Variants in ADORA2A observed in about 807,000 individuals in gnomAD.
The protein encoded by ADORA2A is adenosine receptor A2a.
In ADORA2A, 11 loss-of-function variants were observed where a neutral mutation model predicts 18.4. The ratio of observed to expected loss-of-function variants is 0.60; its 90% CI spans 0.38 to 0.99. ADORA2A has a LOEUF of 0.99. Among genes scored for constraint, ADORA2A ranks in the 50% least tolerant of loss-of-function variants. ADORA2A has a pLI of 0.01. For synonymous variants in ADORA2A, 218 were observed against 237.3 expected (o/e 0.92, Z 0.75); for missense variants, 449 against 556.1 (o/e 0.81, Z 1.94).
chr22:24,438,604 G>A (rs2043238901), intron 2 of ADORA2A: 1 of 152,206 alleles, frequency 6.6e-6, no homozygotes, highest in Non-Finnish European at 1.5e-5. Context: ...TGGAGCTGAG[G>A]AGCTCCTGAG....
chr22:24,439,609 C>T (rs1414147267), intron 2 of ADORA2A: 1 of 152,126 alleles, frequency 6.6e-6, no homozygotes, highest in East Asian at 1.9e-4. Context: ...TCAAGGTTGC[C>T]TTCCTAAATT....
chr22:24,438,462 G>A (rs1008385734), intron 2 of ADORA2A: 2 of 152,256 alleles, frequency 1.3e-5, no homozygotes, highest in African/African-American at 2.4e-5. Context: ...GAGAATGAGA[G>A]AGCCTGAGAT....
chr22:24,433,080 G>A, intron 1 of ADORA2A, 51 bp from the exon 2 acceptor site: 2 of 454,438 alleles, frequency 4.4e-6, no homozygotes, highest in Non-Finnish European at 8.1e-6. Flanking sequence ...ACTTTCCGCA[G>A]GGCTCGCCCT....
Position 24,440,246 on chromosome 22 carries a change from T to C in ADORA2A, c.333-337T>C, listed in dbSNP as rs7289199. On this transcript the variant is annotated intron_variant, in intron 2 of 2. Coordinates refer to ENST00000337539, the MANE Select transcript of ADORA2A (RefSeq NM_000675.6). ...CACGTTTCCCTTTAGAGAAAAATCATGTTTTCCCCCTCAAAAAATCATGCG... is the reference window on the plus strand; with the variant it reads ...CACGTTTCCCTTTAGAGAAAAATCACGTTTTCCCCCTCAAAAAATCATGCG... 2.6e-3 allele frequency among the ~76,000 whole-genome samples: 390 copies of C among 152,346 alleles called. 4 individuals carry two copies. Among genetic ancestry groups the C allele is most frequent in the African/African-American group, 9.0e-3 (373 of 41,578 alleles).
At chr22:24,426,739 A>C (rs1440844977), upstream of ADORA2A, among the ~76,000 whole-genome samples, 1 of 152,134 alleles carries the variant, frequency 6.6e-6, no homozygotes, top group African/African-American at 2.4e-5. Context: ...AGAGAGGAGC[A>C]GCAGAGCAGC....
At chr22:24,431,045 T>C (rs556220777) in intron 1 of ADORA2A, 18 of 435,056 alleles carry the variant, frequency 4.1e-5, no homozygotes, top group South Asian at 8.3e-5. Context: ...CCCTGGTGAG[T>C]ACTGCTCAGG....
At chr22:24,437,423 G>A (rs1262928178) in intron 2 of ADORA2A, among the ~76,000 whole-genome samples, 1 of 152,200 alleles carries the variant, frequency 6.6e-6, no homozygotes, top group Non-Finnish European at 1.5e-5. Flanking sequence ...GCCTGGCTGA[G>A]GCTCAGCTGT....
upstream of ADORA2A, among the ~76,000 whole-genome samples, chr22:24,425,350 C>CCT (rs1555876278): frequency 1.4e-5 from 2 of 139,150 alleles, no homozygotes; most frequent in African/African-American, 5.3e-5. Flanking sequence ...CCCCCCCCCC[C>CCT]CGCCCAACAT....
At chr22:24,437,967 G>A (rs886277457) in intron 2 of ADORA2A, among the ~76,000 whole-genome samples, 1 of 152,274 alleles carries the variant, frequency 6.6e-6, no homozygotes, top group African/African-American at 2.4e-5. Flanking sequence ...GGGCGACAAG[G>A]TTTGCTGCTG....
At chr22:24,426,658 G>A (rs540929410), upstream of ADORA2A, among the ~76,000 whole-genome samples, 2 of 152,282 alleles carry the variant, frequency 1.3e-5, no homozygotes, top group African/African-American at 2.4e-5. Context: ...GCAGTTTCAT[G>A]GCGGAGGAGG....
intron 1 of ADORA2A, chr22:24,431,438 G>C (rs1435679482): frequency 2.2e-6 from 1 of 456,766 alleles, no homozygotes; most frequent in Admixed American, 2.3e-5. Context: ...GGAAAGTTGG[G>C]GTCTGTGTGT....
chr22:24,429,256 G>C (rs939004477), intron 1 of ADORA2A: 1 of 152,328 alleles, frequency 6.6e-6, no homozygotes, highest in Non-Finnish European at 1.5e-5. Context: ...GGGAGGTGAG[G>C]AGGAAGGCAG....
rs370097563 is a variant in ADORA2A at position 24,441,521 on chromosome 22, A to C, written c.*32A>C. On this transcript the variant is annotated 3_prime_UTR_variant, in exon 3 of 3. Coordinates refer to ENST00000337539, the MANE Select transcript of ADORA2A (RefSeq NM_000675.6). ...ATGGAGTTTGCCCCTTCCTAAGGGA[A>C]GGAGATCTTTATCTTTCTGGTTGGC... The C allele has an allele frequency of 4.7e-6, 7 of 1,476,404 alleles. No homozygotes were observed. Among genetic ancestry groups the C allele is most frequent in the Non-Finnish European group, 5.4e-6 (6 of 1,114,148 alleles). The allele number at this position is 1,476,404 out of a possible 1,614,324, so 91.5% of individuals were successfully genotyped here.
At chr22:24,429,108 C>A (rs1386464378) in intron 1 of ADORA2A, 2 of 152,342 alleles carry the variant, frequency 1.3e-5, no homozygotes, top group African/African-American at 4.8e-5. Context: ...CTGGTGGGCA[C>A]CTCCGTGCAG....
chr22:24,433,856 G>C (rs569241992), intron 2 of ADORA2A, 120 bp downstream of exon 2: 1 of 1,251,352 alleles, frequency 8.0e-7, no homozygotes, highest in African/African-American at 1.5e-5. Flanking sequence ...ATGGTGAGCT[G>C]GCGACGGGGC....
At chr22:24,434,465 G>A (rs2043125185) in intron 2 of ADORA2A, among the ~76,000 whole-genome samples, 1 of 152,324 alleles carries the variant, frequency 6.6e-6, no homozygotes, top group East Asian at 1.9e-4. Flanking sequence ...TTTTCCCAGA[G>A]GCTGAATTAC....
intron 2 of ADORA2A, chr22:24,438,753 A>G (rs1485085419): frequency 6.6e-6 from 1 of 152,168 alleles, no homozygotes; most frequent in African/African-American, 2.4e-5. Flanking sequence ...GCCTCAATTT[A>G]CCCACCTGTA....
At position 24,433,696 on chromosome 22, in the gene ADORA2A, A is replaced by G; in HGVS notation, c.292A>G (p.Ile98Val). 1 of 1,610,490 alleles carries G rather than the reference A, an allele frequency of 6.2e-7. No individual in the cohort carries two copies. The highest frequency in any genetic ancestry group is 8.5e-7 in the Non-Finnish European group (1 of 1,180,028). Residue 98 changes from isoleucine to valine, a missense_variant, in exon 2 of 3, where the codon ATC (isoleucine) becomes GTC (valine). By Grantham distance (29) the Ile-to-Val change is conservative. Coordinates refer to ENST00000337539, the MANE Select transcript of ADORA2A (RefSeq NM_000675.6). Reference protein sequence around the residue: ...TQSSIFSLLAIAIDRYIAIRI... With the variant: ...TQSSIFSLLAVAIDRYIAIRI... ...GAGCTCCATCTTCAGTCTCCTGGCC[A>G]TCGCCATTGACCGCTACATTGCCAT... is the stretch of plus-strand genomic sequence containing the variant.
chr22:24,431,970 G>GT (rs1342962134), intron 1 of ADORA2A: 1 of 164,400 alleles, frequency 6.1e-6, no homozygotes, highest in African/African-American at 2.4e-5. Flanking sequence ...CTGCCTCACC[G>GT]TATCAATGAG....
Sources: allele counts gnomAD v4.1 joint callset (sites outside exome capture counted in the v4.1 genomes callset), GRCh38; gene constraint gnomAD v4.1.1; transcripts MANE v1.5; gene names NCBI Gene and HGNC (gene_info 2026-07-23, HGNC 2026-07-21).